PTER: variants seen among roughly 807,000 people sequenced by gnomAD.
PTER encodes N-acetyltaurine hydrolase.
PTER carries 38 observed loss-of-function variants against 29.6 expected under a neutral mutation model. That is an observed-to-expected ratio of 1.28 (90% CI 0.99 to 1.68). The LOEUF is 1.68. Ranked by LOEUF, PTER falls within the 40% of genes most tolerant of loss-of-function variation. The pLI is 0.00. For missense variants in PTER, 482 were observed against 427.8 expected (o/e 1.13, Z -1.12); for synonymous variants, 172 against 154.5 (o/e 1.11, Z -0.84).
intron 3 of PTER, among the ~76,000 whole-genome samples, chr10:16,496,603 T>G (rs1401742242): frequency 2.0e-5 from 3 of 152,176 alleles, no homozygotes; most frequent in African/African-American, 7.2e-5. Context: ...GTTTGATATC[T>G]CCTTCTCTTT....
rs1835709782 is a variant in PTER at position 16,486,588 on chromosome 10, C to A, written c.669C>A (p.Ile223=). Reference sequence around the variant, plus strand: ...TATTGCAAGAAGCAGGCGCAGACATCTCCAAAACAGTCATGTCACACCTGG... The same window carrying A: ...TATTGCAAGAAGCAGGCGCAGACATATCCAAAACAGTCATGTCACACCTGG... ...IRILQEAGAD[I]SKTVMSHLDR... is the part of the protein sequence containing the mutation. Residue 223 remains isoleucine (I), a synonymous_variant, in exon 3 of 5, where the codon ATC becomes ATA. Transcript: ENST00000535784. 6.2e-7 allele frequency: 1 copy of A among 1,613,610 alleles called. No individual in the cohort carries two copies. The highest frequency in any genetic ancestry group is 1.7e-5 in the Admixed American group (1 of 59,966).
intron 3 of PTER, among the ~76,000 whole-genome samples, chr10:16,502,530 T>C (rs1346625406): frequency 6.6e-6 from 1 of 152,152 alleles, no homozygotes; most frequent in Admixed American, 6.5e-5. Context: ...AACAACATCG[T>C]GAACTCTAAG....
intron 4 of PTER, among the ~76,000 whole-genome samples, chr10:16,509,967 G>C (rs1465505744): frequency 1.3e-5 from 2 of 152,086 alleles, no homozygotes; most frequent in African/African-American, 4.8e-5. Context: ...CACTGTAGTA[G>C]TTATTAAATA....
rs1836790996 is a variant in PTER at position 16,511,086 on chromosome 10, C to G, written c.880C>G (p.Leu294Val). The G allele has an allele frequency of 6.2e-7, 1 of 1,613,912 alleles. No homozygotes were observed. The highest frequency in any genetic ancestry group is 8.5e-7 in the Non-Finnish European group (1 of 1,179,926). The change falls in exon 5 of 5, where the codon CTG becomes GTG. Residue 294 changes from leucine (L) to valine (V), a missense_variant. By Grantham distance (32) the Leu-to-Val change is conservative (BLOSUM62 1). Transcript: ENST00000535784. Reference protein sequence around the residue: ...LVEEGCEDRILVAHDIHTKTR... With the variant: ...LVEEGCEDRIVVAHDIHTKTR... Reference sequence around the variant, plus strand: ...GGAAGAGGGCTGTGAAGATCGAATTCTGGTAGCACATGACATACATACGAA... The same window carrying G: ...GGAAGAGGGCTGTGAAGATCGAATTGTGGTAGCACATGACATACATACGAA...
intron 3 of PTER, among the ~76,000 whole-genome samples, chr10:16,495,824 C>T (rs369985247): frequency 6.6e-6 from 1 of 152,350 alleles, no homozygotes; most frequent in East Asian, 1.9e-4. Context: ...TTGTGGGTCA[C>T]TTTAAAGAAC....
downstream of PTER, among the ~76,000 whole-genome samples, chr10:16,517,852 TAAAC>T (rs1359927675): frequency 1.3e-5 from 2 of 152,230 alleles, no homozygotes; most frequent in African/African-American, 2.4e-5. Flanking sequence ...TGTGGAATCA[TAAAC>T]AAAAGGTTAA....
intron 1 of PTER, among the ~76,000 whole-genome samples, chr10:16,441,915 T>C (rs1199642385): frequency 6.6e-6 from 1 of 152,110 alleles, no homozygotes; most frequent in Non-Finnish European, 1.5e-5. Context: ...TCCCTACTTA[T>C]TAAACGGGTG....
intron 1 of PTER, among the ~76,000 whole-genome samples, chr10:16,478,821 A>G (rs928517255): frequency 1.3e-5 from 2 of 152,054 alleles, no homozygotes; most frequent in Non-Finnish European, 2.9e-5. Flanking sequence ...GATTTTTTTT[A>G]TTCAAGGAGT....
At chr10:16,502,669 G>C (rs1836396512) in intron 3 of PTER, among the ~76,000 whole-genome samples, 1 of 152,026 alleles carries the variant, frequency 6.6e-6, no homozygotes, top group Non-Finnish European at 1.5e-5. Context: ...GCACAGGGAG[G>C]CTTAATTGGT....
intron 3 of PTER, among the ~76,000 whole-genome samples, chr10:16,500,407 AC>A (rs1420910763): frequency 4.6e-5 from 7 of 151,032 alleles, no homozygotes; most frequent in African/African-American, 1.5e-4. Flanking sequence ...ACACCACCAC[AC>A]CCTGCTAATT....
intron 1 of PTER, among the ~76,000 whole-genome samples, chr10:16,451,570 G>A (rs1834209166): frequency 1.3e-5 from 2 of 152,064 alleles, no homozygotes; most frequent in South Asian, 4.2e-4. Flanking sequence ...AAAGTAGCTG[G>A]GTGTGGTGGT....
At chr10:16,510,287 G>T (rs1039909049) in intron 4 of PTER, among the ~76,000 whole-genome samples, 1 of 152,154 alleles carries the variant, frequency 6.6e-6, no homozygotes, top group African/African-American at 2.4e-5. Context: ...CATTTTTAGA[G>T]AATAGTCAGG....
intron 1 of PTER, among the ~76,000 whole-genome samples, chr10:16,479,850 C>G (rs146563638): frequency 4.0e-5 from 6 of 151,814 alleles, no homozygotes; most frequent in African/African-American, 1.5e-4. Context: ...CATTCGTACA[C>G]GGCTGCCAGG....
chr10:16,454,273 G>A (rs931784656), intron 1 of PTER, among the ~76,000 whole-genome samples: 2 of 151,908 alleles, frequency 1.3e-5, no homozygotes, highest in South Asian at 2.1e-4. Flanking sequence ...ACTATTATTC[G>A]TATAAATACA....
chr10:16,478,334 C>CA lies in PTER; in HGVS notation c.-48-6003_-48-6002insA, dbSNP rs1564397759. 1.2e-3 allele frequency among the ~76,000 whole-genome samples: 148 copies of CA among 126,360 alleles called. 1 individual carries two copies. Among genetic ancestry groups the CA allele is most frequent in the African/African-American group, 4.5e-3 (138 of 30,344 alleles). 82.9% of individuals were successfully genotyped at this position (126,360 alleles called of 152,430 possible). A position where few individuals can be genotyped will look rare whatever the true frequency, so the allele number is the denominator to read the frequency against. The stretch of plus-strand genomic sequence containing the variant: ...CCTCTCCCTTTTCCTCCCTCGTTTC[C>CA]GTTTTTTTTTTTTTTGGAGTTGGAG... On this transcript the variant is annotated intron_variant, in intron 1 of 4. Coordinates refer to ENST00000535784, the MANE Select transcript of PTER (RefSeq NM_001261836.2).
At position 16,512,822 on chromosome 10, in the gene PTER, A is replaced by C. The variant is rs1392756306; in HGVS notation, c.*1566A>C. ...TCAAAGAGTTTTCAGAGGCAATGAA[A>C]GGGGAACAGATTTTTCATTGTAATA... On this transcript the variant is annotated 3_prime_UTR_variant, in exon 5 of 5. Transcript: ENST00000535784. The C allele has an allele frequency of 1.3e-5, 2 of 152,692 alleles. No homozygotes were observed. Among genetic ancestry groups the C allele is most frequent in the East Asian group, 3.9e-4 (2 of 5,192 alleles). The allele number at this position is 152,692 out of a possible 1,614,324, so 9.5% of individuals were successfully genotyped here.
intron 1 of PTER, among the ~76,000 whole-genome samples, chr10:16,457,217 TTTG>T (rs1834435489): frequency 1.3e-5 from 2 of 152,002 alleles, no homozygotes; most frequent in Non-Finnish European, 2.9e-5. Flanking sequence ...TGTTTGTTTG[TTTG>T]TTTGTTTTTT....
chr10:16,451,583 A>C (rs922544597), intron 1 of PTER, among the ~76,000 whole-genome samples: 6 of 151,892 alleles, frequency 4.0e-5, no homozygotes, highest in Non-Finnish European at 5.9e-5. Flanking sequence ...GTGGTGGTGC[A>C]CTCCTGTAAT....
chr10:16,493,983 C>T (rs527978524), intron 3 of PTER, among the ~76,000 whole-genome samples: 46 of 152,114 alleles, frequency 3.0e-4, no homozygotes, highest in Non-Finnish European at 4.9e-4. Flanking sequence ...AAGCCTTCCA[C>T]GAGTAATTTT....
Sources: allele counts gnomAD v4.1 joint callset (sites outside exome capture counted in the v4.1 genomes callset), GRCh38; gene constraint gnomAD v4.1.1; transcripts MANE v1.5; gene names NCBI Gene and HGNC (gene_info 2026-07-23, HGNC 2026-07-21).